SCN7A: variants seen among roughly 807,000 people sequenced by gnomAD.
The protein encoded by SCN7A is sodium channel protein type 7 subunit alpha.
A neutral mutation model predicts 155.2 loss-of-function variants in SCN7A; 138 were observed. The observed-to-expected ratio is 0.89, with a 90% confidence interval of 0.77 to 1.02. The LOEUF (loss-of-function observed/expected upper bound fraction) is 1.02, where lower values mean the gene tolerates loss of function less well. Ranked by LOEUF, SCN7A falls within the 50% of genes least tolerant of loss-of-function variation. The pLI is 0.00. For missense variants in SCN7A, 2,058 were observed against 1,986.6 expected (o/e 1.04, Z -0.68); for synonymous variants, 693 against 649.0 (o/e 1.07, Z -1.03).
At chr2:166,414,936 GGATAATA>G (rs1559089618) in intron 21 of SCN7A, among the ~76,000 whole-genome samples, 1 of 104,406 alleles carries the variant, frequency 9.6e-6, no homozygotes, top group Non-Finnish European at 1.9e-5. Context: ...TTATTATATA[GGATAATA>G]TATAATATAT....
chr2:166,461,097 T>G lies in SCN7A; in HGVS notation c.1083+1292A>C, dbSNP rs536871503. On this transcript the variant is annotated intron_variant, in intron 10 of 25. Coordinates refer to ENST00000643258, the MANE Select transcript of SCN7A (RefSeq NM_002976.4). ...TTACCAAAAATACAATTATGCTGCA[T>G]GCATGTTTGGTCTATTTGATTTCCA... Among the ~76,000 whole-genome samples, 5 of 145,888 alleles carry G rather than the reference T, an allele frequency of 3.4e-5. No homozygotes were observed. In the East Asian group the frequency reaches 1.0e-3, roughly 30 times the overall value.
chr2:166,465,701 G>C (rs1283248785), intron 8 of SCN7A, 80 bp downstream of exon 8: 3 of 1,432,956 alleles, frequency 2.1e-6, no homozygotes, highest in South Asian at 1.2e-5. Context: ...AAAATGTTGA[G>C]TGTTCAACAT....
intron 11 of SCN7A, among the ~76,000 whole-genome samples, chr2:166,452,535 C>A (rs1559112148): frequency 1.3e-5 from 2 of 152,070 alleles, no homozygotes. Context: ...GTGCTTTGTA[C>A]AATTGTCAAT....
At chr2:166,472,479 G>A in intron 5 of SCN7A, 34 bp from the exon 6 acceptor site, 1 of 1,467,192 alleles carries the variant, frequency 6.8e-7, no homozygotes, top group Non-Finnish European at 9.4e-7. Context: ...TATTATTGGT[G>A]AGAATAATAC....
Position 166,474,422 on chromosome 2 carries a change from A to C in SCN7A, c.235-78T>G, listed in dbSNP as rs1702734424. ...TCAATTATGCAATAAACTGCCAATC[A>C]ATCATCATTATAGTCTTGGACTCTA... On this transcript the variant is annotated intron_variant, in intron 3 of 25. Coordinates refer to ENST00000643258, the MANE Select transcript of SCN7A (RefSeq NM_002976.4). 6.0e-6 allele frequency: 3 copies of C among 502,662 alleles called. No individual in the cohort carries two copies. In the South Asian group the frequency reaches 1.2e-4, roughly 21 times the overall value. The allele number at this position is 502,662 out of a possible 1,614,324, so 31.1% of individuals were successfully genotyped here. A position where few individuals can be genotyped will look rare whatever the true frequency, so the allele number is the denominator to read the frequency against.
At chr2:166,443,965 A>G (rs1559107171) in intron 13 of SCN7A, among the ~76,000 whole-genome samples, 2 of 152,334 alleles carry the variant, frequency 1.3e-5, no homozygotes, top group South Asian at 4.1e-4. Flanking sequence ...TCAATTTTGA[A>G]TAGTTATTTT....
intron 3 of SCN7A, 41 bp downstream of exon 3, chr2:166,477,422 A>T: frequency 8.3e-7 from 1 of 1,208,008 alleles, no homozygotes. Flanking sequence ...TGGAAATAAA[A>T]TAATAAAAAT....
chr2:166,453,752 T>G (rs1038703265), intron 11 of SCN7A, among the ~76,000 whole-genome samples: 1 of 152,140 alleles, frequency 6.6e-6, no homozygotes, highest in African/African-American at 2.4e-5. Flanking sequence ...CATGAGGATA[T>G]GAAGCACCTA....
At chr2:166,487,508 T>C (rs537612254) in intron 1 of SCN7A, among the ~76,000 whole-genome samples, 55 of 152,312 alleles carry the variant, frequency 3.6e-4, no homozygotes, top group African/African-American at 1.3e-3. Context: ...TCTCCACCTG[T>C]AGGAGATGAC....
chr2:166,449,320 C>T (rs1403519282), intron 11 of SCN7A, among the ~76,000 whole-genome samples: 1 of 152,094 alleles, frequency 6.6e-6, no homozygotes, highest in African/African-American at 2.4e-5. Flanking sequence ...GAGGTAAAGG[C>T]TGCTCTTGAA....
rs747103627 is a variant in SCN7A at position 166,465,765 on chromosome 2, G to A, written c.871+16C>T. 4.3e-6 allele frequency: 7 copies of A among 1,611,340 alleles called. 1 individual carries two copies. The highest frequency in any genetic ancestry group is 5.1e-6 in the Non-Finnish European group (6 of 1,177,800). On this transcript the variant is annotated intron_variant, in intron 8 of 25. Coordinates refer to ENST00000643258, the MANE Select transcript of SCN7A (RefSeq NM_002976.4). ...AAAGTTTCAATTTTTGATATACATGGCAAGGTGATTCTTACCTCGAATATA... is the reference window on the plus strand; with the variant it reads ...AAAGTTTCAATTTTTGATATACATGACAAGGTGATTCTTACCTCGAATATA...
intron 6 of SCN7A, 142 bp from the exon 7 acceptor site, chr2:166,470,848 G>A (rs1256953206): frequency 1.5e-6 from 1 of 668,398 alleles, no homozygotes; most frequent in African/African-American, 1.9e-5. Context: ...ATTGCAAACA[G>A]TTTTATTATT....
At chr2:166,406,936 T>C (rs1430705924) in intron 25 of SCN7A, among the ~76,000 whole-genome samples, 1 of 152,044 alleles carries the variant, frequency 6.6e-6, no homozygotes, top group East Asian at 1.9e-4. Context: ...ACAGATGACC[T>C]GATTCTATAA....
intron 2 of SCN7A, among the ~76,000 whole-genome samples, chr2:166,482,785 C>T (rs931779878): frequency 3.3e-5 from 5 of 151,400 alleles, no homozygotes; most frequent in African/African-American, 7.3e-5. Context: ...AATGCAAGCA[C>T]TTATCAAATA....
At position 166,441,675 on chromosome 2, in the gene SCN7A, G is replaced by A. The variant is rs1402210623; in HGVS notation, c.1878C>T (p.Ala626=). The A allele has an allele frequency of 1.2e-6, 2 of 1,613,802 alleles. No homozygotes were observed. Among genetic ancestry groups the A allele is most frequent in the South Asian group, 2.2e-5 (2 of 91,078 alleles). Residue 626 remains alanine, a synonymous_variant, in exon 15 of 26, where the codon GCC becomes GCT. Transcript: ENST00000643258. The part of the protein sequence containing the change: ...LMWSLSNSWV[A]LKDLVLLLFT... ...ACAACAACAGGACCAAGTCTTTCAG[G>A]GCCACCCATGAGTTACTAAGAGACC...
intron 11 of SCN7A, among the ~76,000 whole-genome samples, chr2:166,447,946 C>T (rs1477410929): frequency 1.3e-5 from 2 of 152,102 alleles, no homozygotes; most frequent in Non-Finnish European, 2.9e-5. Flanking sequence ...AAACATTTAT[C>T]TTTTCTTTGT....
chr2:166,414,356 T>A (rs1701311001), intron 21 of SCN7A: 1 of 123,014 alleles, frequency 8.1e-6, no homozygotes, highest in African/African-American at 3.1e-5. Context: ...TGCAAGTAAA[T>A]TTAACAGAGG....
In SCN7A at chr2:166,405,237, T is replaced by C. The variant is rs12621935; in HGVS notation, c.*343A>G. ...GACTTAAAGCCCATTAAATTATACA[T>C]AAAATATAAAAGAAAGCCCCTGCTG... is the stretch of plus-strand genomic sequence containing the variant. On this transcript the variant is annotated 3_prime_UTR_variant, in exon 26 of 26. Coordinates refer to ENST00000643258, the MANE Select transcript of SCN7A (RefSeq NM_002976.4). 43 of 195,112 alleles carry C rather than the reference T, an allele frequency of 2.2e-4. No individual in the cohort carries two copies. The East Asian group carries it at 4.6e-3, about 21-fold the overall frequency. 12.1% of individuals were successfully genotyped at this position (195,112 alleles called of 1,614,324 possible).
At chr2:166,488,632 C>CG (rs1703105215) in intron 1 of SCN7A, among the ~76,000 whole-genome samples, 1 of 144,648 alleles carries the variant, frequency 6.9e-6, no homozygotes, top group Admixed American at 6.9e-5. Context: ...TCAACAGTTT[C>CG]TTTTTTTTTT....
Sources: allele counts gnomAD v4.1 joint callset (sites outside exome capture counted in the v4.1 genomes callset), GRCh38; gene constraint gnomAD v4.1.1; transcripts MANE v1.5; gene names NCBI Gene and HGNC (gene_info 2026-07-23, HGNC 2026-07-21).